SH3BGR: variants seen among roughly 807,000 people sequenced by gnomAD.
The protein encoded by SH3BGR is SH3 domain-binding glutamic acid-rich protein.
A neutral mutation model predicts 24.5 loss-of-function variants in SH3BGR; 29 were observed. That is an observed-to-expected ratio of 1.18 (90% CI 0.88 to 1.61). The LOEUF (loss-of-function observed/expected upper bound fraction) is 1.61, where lower values mean the gene tolerates loss of function less well. Ranked by LOEUF, SH3BGR falls within the 40% of genes most tolerant of loss-of-function variation. The probability of loss-of-function intolerance (pLI) is 0.00; values close to 1 mark genes in which losing one functional copy is unlikely to be tolerated. For missense variants in SH3BGR, 162 were observed against 205.8 expected, an observed-to-expected ratio of 0.79 and a Z score of 1.30; for synonymous variants, 55 against 65.7, an observed-to-expected ratio of 0.84 and a Z score of 0.79.
chr21:39,503,172 G>A (rs2078525404), intron 4 of SH3BGR, among the ~76,000 whole-genome samples: 1 of 152,186 alleles, frequency 6.6e-6, no homozygotes, highest in African/African-American at 2.4e-5. Flanking sequence ...GAAAGAACAA[G>A]TCACAATTCA....
intron 2 of SH3BGR, among the ~76,000 whole-genome samples, chr21:39,474,335 G>T (rs1372660964): frequency 1.3e-5 from 2 of 152,158 alleles, no homozygotes; most frequent in Non-Finnish European, 2.9e-5. Context: ...TTTGTGTGTT[G>T]CCCTGTAGGA....
intron 3 of SH3BGR, among the ~76,000 whole-genome samples, chr21:39,478,959 T>C (rs1244296479): frequency 6.6e-6 from 1 of 152,240 alleles, no homozygotes; most frequent in Admixed American, 6.5e-5. Flanking sequence ...CTTCAACTCA[T>C]TGCATTCTCT....
At chr21:39,504,668 G>T (rs1234307169) in intron 4 of SH3BGR, among the ~76,000 whole-genome samples, 2 of 152,112 alleles carry the variant, frequency 1.3e-5, no homozygotes, top group East Asian at 3.8e-4. Flanking sequence ...TGGCTTAATT[G>T]ACTGGATGAT....
intron 6 of SH3BGR, among the ~76,000 whole-genome samples, chr21:39,512,626 T>G (rs1195640016): frequency 6.6e-6 from 1 of 152,110 alleles, no homozygotes; most frequent in East Asian, 1.9e-4. Flanking sequence ...TGAAAACCCC[T>G]AAAGACATGA....
At chr21:39,476,749 C>G (rs889954007) in intron 3 of SH3BGR, among the ~76,000 whole-genome samples, 2 of 152,156 alleles carry the variant, frequency 1.3e-5, no homozygotes, top group Non-Finnish European at 2.9e-5. Context: ...TCTTCCAGAC[C>G]CCAGACCTGT....
chr21:39,499,968 C>T, intron 4 of SH3BGR, 53 bp downstream of exon 4: 1 of 1,274,910 alleles, frequency 7.8e-7, no homozygotes, highest in Non-Finnish European at 1.1e-6. Context: ...CTGTTCGAGA[C>T]TTTTACAGGG....
chr21:39,510,946 T>TA (rs1296625247), intron 5 of SH3BGR, among the ~76,000 whole-genome samples: 1 of 139,586 alleles, frequency 7.2e-6, no homozygotes, highest in Non-Finnish European at 1.6e-5. Flanking sequence ...TATATATATA[T>TA]ACTTTCTGAA....
intron 4 of SH3BGR, among the ~76,000 whole-genome samples, chr21:39,506,645 AC>A (rs1233181171): frequency 1.3e-5 from 2 of 152,112 alleles, no homozygotes; most frequent in African/African-American, 4.8e-5. Context: ...ATCTTGTGAG[AC>A]TTACTACCAC....
Position 39,462,516 on chromosome 21 carries a change from A to G in SH3BGR, c.187A>G (p.Ile63Val), listed in dbSNP as rs748441072. The change falls in exon 2 of 7, where the codon ATT (isoleucine) becomes GTT (valine). Residue 63 changes from isoleucine (I) to valine (V), a missense_variant. Physicochemically the swap from Ile to Val is conservative, Grantham distance 29. Coordinates refer to ENST00000333634, the MANE Select transcript of SH3BGR (RefSeq NM_007341.3). ...TGGAGAGAAAAAACCTCAAAATGGG[A>G]TTCCTTTGCCTCCCCAGATCTTCAA... ...VPGEKKPQNG[I>V]PLPPQIFNEE... is the part of the protein sequence containing the mutation. The G allele has an allele frequency of 8.7e-6, 14 of 1,605,804 alleles. No homozygotes were observed. Among genetic ancestry groups the G allele is most frequent in the Middle Eastern group, 1.7e-4 (1 of 6,054 alleles).
intron 3 of SH3BGR, among the ~76,000 whole-genome samples, chr21:39,481,329 G>C (rs1048742994): frequency 5.3e-5 from 8 of 152,128 alleles, no homozygotes; most frequent in Non-Finnish European, 1.2e-4. Flanking sequence ...CAAACTCCTA[G>C]AGGGCTAGCA....
At chr21:39,475,599 A>G (rs1320167871) in intron 3 of SH3BGR, among the ~76,000 whole-genome samples, 1 of 152,206 alleles carries the variant, frequency 6.6e-6, no homozygotes, top group Non-Finnish European at 1.5e-5. Context: ...TAATTTCATA[A>G]TGATATATAC....
At chr21:39,448,474 CA>C (rs1390224829), upstream of SH3BGR, among the ~76,000 whole-genome samples, 8 of 152,082 alleles carry the variant, frequency 5.3e-5, no homozygotes, top group Non-Finnish European at 1.2e-4. Flanking sequence ...CAAAATTAAT[CA>C]AATCAAAAAG....
chr21:39,450,927 C>T (rs568939520), upstream of SH3BGR, among the ~76,000 whole-genome samples: 264 of 152,186 alleles, frequency 1.7e-3, 2 homozygotes, highest in African/African-American at 5.9e-3. Context: ...CCACCTCAGC[C>T]TTCCAAGTCG....
chr21:39,468,176 T>G (rs975311203), intron 2 of SH3BGR, among the ~76,000 whole-genome samples: 2 of 152,150 alleles, frequency 1.3e-5, no homozygotes, highest in Non-Finnish European at 2.9e-5. Context: ...CTCAGGGCTG[T>G]AAGGAAACAC....
chr21:39,499,916 G>A lies in SH3BGR; in HGVS notation c.405+1G>A, dbSNP rs758476018. On this transcript the variant is annotated splice_donor_variant, in intron 4 of 6. Transcript: ENST00000333634. LOFTEE classifies it high-confidence loss of function. ...CCTCCCTGAAGCCCAGGAGAAGAAT[G>A]TGAGTTTTCGCTTTTTCACAGCAGT... is the stretch of plus-strand genomic sequence containing the variant. The A allele has an allele frequency of 9.9e-6, 16 of 1,608,346 alleles. No individual in the cohort carries two copies. The highest frequency in any genetic ancestry group is 1.3e-5 in the Non-Finnish European group (15 of 1,174,934).
At chr21:39,483,772 T>C (rs942375478) in intron 3 of SH3BGR, among the ~76,000 whole-genome samples, 1 of 152,200 alleles carries the variant, frequency 6.6e-6, no homozygotes, top group Non-Finnish European at 1.5e-5. Context: ...GAGGAATAGT[T>C]AGATGTGAGC....
At chr21:39,463,635 C>T (rs1330560965) in intron 2 of SH3BGR, among the ~76,000 whole-genome samples, 2 of 152,142 alleles carry the variant, frequency 1.3e-5, no homozygotes, top group African/African-American at 2.4e-5. Context: ...TGTTTACTGC[C>T]ACTGTCTGTT....
At chr21:39,450,175 G>A (rs578252972), upstream of SH3BGR, among the ~76,000 whole-genome samples, 122 of 152,254 alleles carry the variant, frequency 8.0e-4, no homozygotes, top group Middle Eastern at 6.8e-3. Context: ...AAAATAATAC[G>A]TACTGTAGAA....
chr21:39,501,750 G>C (rs2123509819), intron 4 of SH3BGR, among the ~76,000 whole-genome samples: 1 of 152,284 alleles, frequency 6.6e-6, no homozygotes, highest in East Asian at 1.9e-4. Context: ...ACCCTTATGA[G>C]TGTATATGAA....
Sources: allele counts gnomAD v4.1 joint callset (sites outside exome capture counted in the v4.1 genomes callset), GRCh38; gene constraint gnomAD v4.1.1; transcripts MANE v1.5; gene names NCBI Gene and HGNC (gene_info 2026-07-23, HGNC 2026-07-21).